METAP1D: variants seen among roughly 807,000 people sequenced by gnomAD.
METAP1D encodes the protein methionyl aminopeptidase type 1D, mitochondrial, also known as methionine aminopeptidase 1D, mitochondrial.
Under a neutral mutation model 40.5 loss-of-function variants are expected in METAP1D, and 31 were observed. That is an observed-to-expected ratio of 0.77 (90% CI 0.58 to 1.03). The LOEUF (loss-of-function observed/expected upper bound fraction) is 1.03. METAP1D is among the 50% of genes least tolerant of loss of function. METAP1D has a pLI of 0.00. For synonymous variants in METAP1D, 151 were observed against 146.4 expected (o/e 1.03, Z -0.22); for missense variants, 411 against 420.7 (o/e 0.98, Z 0.20).
intron 7 of METAP1D, among the ~76,000 whole-genome samples, chr2:172,078,828 C>A (rs1413255233): frequency 1.3e-5 from 2 of 152,200 alleles, no homozygotes; most frequent in African/African-American, 4.8e-5. Context: ...TCCTTTGCAT[C>A]CTTCCCCAGG....
chr2:172,071,989 CAG>C (rs1182262584), intron 6 of METAP1D, among the ~76,000 whole-genome samples: 1 of 152,106 alleles, frequency 6.6e-6, no homozygotes, highest in African/African-American at 2.4e-5. Flanking sequence ...AATATTGTAA[CAG>C]TGTCTGAATC....
At chr2:172,068,248 C>T (rs1690335000) in intron 5 of METAP1D, among the ~76,000 whole-genome samples, 1 of 151,900 alleles carries the variant, frequency 6.6e-6, no homozygotes, top group South Asian at 2.1e-4. Flanking sequence ...TAAAAATTAG[C>T]CCTGTGTGGG....
intron 1 of METAP1D, among the ~76,000 whole-genome samples, chr2:172,026,128 A>G (rs1689115239): frequency 6.6e-6 from 1 of 152,050 alleles, no homozygotes; most frequent in Non-Finnish European, 1.5e-5. Context: ...CATTTGGCTG[A>G]TATGTCTCTA....
At chr2:172,040,173 G>T (rs1013377944) in intron 1 of METAP1D, among the ~76,000 whole-genome samples, 1 of 151,446 alleles carries the variant, frequency 6.6e-6, no homozygotes, top group Non-Finnish European at 1.5e-5. Context: ...GGCCAGGCTG[G>T]TCTCGAACTC....
chr2:172,022,868 G>T (rs1689036668), intron 1 of METAP1D, among the ~76,000 whole-genome samples: 1 of 152,032 alleles, frequency 6.6e-6, no homozygotes, highest in South Asian at 2.1e-4. Context: ...CTATAGGTTT[G>T]TCTTGACAAA....
chr2:172,040,395 A>G (rs560117129), intron 1 of METAP1D, among the ~76,000 whole-genome samples: 12 of 152,248 alleles, frequency 7.9e-5, no homozygotes, highest in African/African-American at 2.4e-4. Flanking sequence ...TTTTTCTGTC[A>G]ACTATATGGC....
intron 1 of METAP1D, among the ~76,000 whole-genome samples, chr2:172,052,354 C>T (rs551051098): frequency 6.1e-4 from 93 of 152,244 alleles, no homozygotes; most frequent in Non-Finnish European, 8.4e-4. Flanking sequence ...TCCACGATTT[C>T]CTGCATTGGA....
At chr2:172,078,686 A>AAG (rs1328351867) in intron 7 of METAP1D, among the ~76,000 whole-genome samples, 172 of 152,198 alleles carry the variant, frequency 1.1e-3, no homozygotes, top group Non-Finnish European at 2.2e-3. Flanking sequence ...CCACCTAGGC[A>AAG]GCTCAAGAGG....
At chr2:172,051,106 A>G (rs942149679) in intron 1 of METAP1D, among the ~76,000 whole-genome samples, 1 of 152,180 alleles carries the variant, frequency 6.6e-6, no homozygotes, top group Non-Finnish European at 1.5e-5. Flanking sequence ...TTTGTCTCAA[A>G]TGGAGAAATT....
chr2:172,071,073 A>C lies in METAP1D; in HGVS notation c.704+3A>C, dbSNP rs1690412184. 3.1e-6 allele frequency: 5 copies of C among 1,606,810 alleles called. No homozygotes were observed. Among genetic ancestry groups the C allele is most frequent in the Non-Finnish European group, 4.3e-6 (5 of 1,176,158 alleles). On this transcript the variant is annotated splice_donor_region_variant and intron_variant, in intron 6 of 9. Transcript: ENST00000315796. Reference sequence around the variant, plus strand: ...TCTGTAATTGGAAACACAATCAGGTAAGCCTTACATTGACAAGTAAAGGGA... The same window carrying C: ...TCTGTAATTGGAAACACAATCAGGTCAGCCTTACATTGACAAGTAAAGGGA...
At chr2:172,044,397 A>C (rs568841697) in intron 1 of METAP1D, among the ~76,000 whole-genome samples, 1 of 25,040 alleles carries the variant, frequency 4.0e-5, no homozygotes, top group South Asian at 2.7e-3. Context: ...TGTCTCTCTT[A>C]AAAATACAAA....
At chr2:172,002,444 A>C (rs1688489146) in intron 1 of METAP1D, among the ~76,000 whole-genome samples, 1 of 152,132 alleles carries the variant, frequency 6.6e-6, no homozygotes, top group Non-Finnish European at 1.5e-5. Context: ...TTGATCACTT[A>C]TTATTTTGAC....
At chr2:172,021,085 A>G (rs1688994706) in intron 1 of METAP1D, among the ~76,000 whole-genome samples, 1 of 151,784 alleles carries the variant, frequency 6.6e-6, no homozygotes, top group Admixed American at 6.6e-5. Context: ...GGCAGAGTTA[A>G]TTTTATTATT....
At chr2:172,038,585 T>G (rs1397078455) in intron 1 of METAP1D, among the ~76,000 whole-genome samples, 30 of 152,236 alleles carry the variant, frequency 2.0e-4, no homozygotes, top group Admixed American at 1.9e-3. Flanking sequence ...GCATCTGTTT[T>G]TCATTTGTTA....
At chr2:172,006,193 T>G (rs1185580321) in intron 1 of METAP1D, among the ~76,000 whole-genome samples, 15 of 151,754 alleles carry the variant, frequency 9.9e-5, no homozygotes, top group Admixed American at 8.5e-4. Context: ...TTTGTTTTTT[T>G]TTTTTTTTGA....
intron 1 of METAP1D, among the ~76,000 whole-genome samples, chr2:172,024,708 C>T (rs11681005): frequency 0.26 from 39,046 of 151,212 alleles, 5,889 homozygotes; most frequent in Middle Eastern, 0.4. Context: ...CAAGCTATTT[C>T]TTACATCCTG....
intron 1 of METAP1D, among the ~76,000 whole-genome samples, chr2:172,017,543 C>G (rs1007041906): frequency 6.6e-6 from 1 of 151,690 alleles, no homozygotes; most frequent in African/African-American, 2.4e-5. Flanking sequence ...TGGTAGATTT[C>G]TGACTAACAA....
chr2:172,055,785 A>G (rs1284783008), intron 1 of METAP1D, among the ~76,000 whole-genome samples: 1 of 152,238 alleles, frequency 6.6e-6, no homozygotes, highest in Non-Finnish European at 1.5e-5. Context: ...ATGAAAGTGA[A>G]ATTGCTGAAT....
chr2:172,012,392 CTAGT>C (rs1688750710), intron 1 of METAP1D, among the ~76,000 whole-genome samples: 1 of 152,116 alleles, frequency 6.6e-6, no homozygotes, highest in Non-Finnish European at 1.5e-5. Context: ...TGTTCTGGGG[CTAGT>C]GAGTGGGAGA....
Sources: allele counts gnomAD v4.1 joint callset (sites outside exome capture counted in the v4.1 genomes callset), GRCh38; gene constraint gnomAD v4.1.1; transcripts MANE v1.5; gene names NCBI Gene and HGNC (gene_info 2026-07-23, HGNC 2026-07-21).